AHNAK2: variants seen among roughly 807,000 people sequenced by gnomAD.
AHNAK2 encodes the protein protein AHNAK2.
In AHNAK2, 18 loss-of-function variants were observed where a neutral mutation model predicts 30.7. The ratio of observed to expected loss-of-function variants is 0.59; its 90% CI spans 0.41 to 0.87. The LOEUF is 0.87. Ranked by LOEUF, AHNAK2 falls within the 40% of genes least tolerant of loss-of-function variation. AHNAK2 has a pLI of 0.00. For missense variants in AHNAK2, 8,604 were observed against 7,373.0 expected, an observed-to-expected ratio of 1.17 and a Z score of -6.11; for synonymous variants, 3,590 against 3,073.8, an observed-to-expected ratio of 1.17 and a Z score of -5.56.
rs1897981968 is a variant in AHNAK2, at chr14:104,941,442, G to A, written c.14009C>T (p.Ser4670Phe). ...ATGAAGATCACCTTCATGAACAACA[G>A]ATTCCACAATGGGAAATGTGGAAGT... ...EKTSTFPIVE[S>F]VVHEGDLHDP... The change falls in exon 7 of 7, where the codon TCT becomes TTT. Residue 4670 changes from serine (S) to phenylalanine (F), a missense_variant. Physicochemically the swap from Ser to Phe is radical, Grantham distance 155. Transcript: ENST00000333244. The A allele has an allele frequency of 6.2e-7, 1 of 1,612,788 alleles. No homozygotes were observed. The highest frequency in any genetic ancestry group is 8.5e-7 in the Non-Finnish European group (1 of 1,179,450).
chr14:104,968,383 G>C (rs531023410), intron 1 of AHNAK2, among the ~76,000 whole-genome samples: 5 of 152,150 alleles, frequency 3.3e-5, no homozygotes, highest in African/African-American at 1.2e-4. Context: ...TCTGGGGGAC[G>C]AGCAGATCCT....
Position 104,952,231 on chromosome 14 carries a change from C to G in AHNAK2, c.3220G>C (p.Gly1074Arg). The G allele has an allele frequency of 1.9e-6, 3 of 1,612,558 alleles. No individual in the cohort carries two copies. Among genetic ancestry groups the G allele is most frequent in the Non-Finnish European group, 2.5e-6 (3 of 1,179,610 alleles). ...VKLPEGHLPE[G>R]AGLKGHLPKV... ...GGCAAGTGCCCTTTAAGGCCAGCTC[C>G]CTCGGGCAGGTGGCCCTCCGGGAGC... The change falls in exon 7 of 7, where the codon GGA (glycine) becomes CGA (arginine). Residue 1074 changes from glycine to arginine, a missense_variant. Transcript: ENST00000333244.
chr14:104,957,994 C>T (rs992983547), intron 1 of AHNAK2, among the ~76,000 whole-genome samples: 1 of 152,078 alleles, frequency 6.6e-6, no homozygotes, highest in Admixed American at 6.5e-5. Context: ...CCAGAGCTGC[C>T]AGAATATATT....
At chr14:104,965,765 C>T (rs1566925287) in intron 1 of AHNAK2, among the ~76,000 whole-genome samples, 1 of 152,220 alleles carries the variant, frequency 6.6e-6, no homozygotes, top group Admixed American at 6.5e-5. Flanking sequence ...GACTGTCCCA[C>T]GAAGACAGAT....
At position 104,946,722 on chromosome 14, in the gene AHNAK2, T is replaced by G. The variant is rs772346443; in HGVS notation, c.8729A>C (p.Asp2910Ala). The G allele has an allele frequency of 4.7e-5, 75 of 1,612,132 alleles. No homozygotes were observed. The African/African-American group carries it at 7.4e-4, about 16-fold the overall frequency. ...GACGTCTATCTGGGGGCCCTTGAGA[T>G]CCACTTTGGGCATCTTGAAACTGGG... ...QMPSFKMPKVDLKGPQIDVKG... is the reference protein window; with the variant it reads ...QMPSFKMPKVALKGPQIDVKG... The change falls in exon 7 of 7, where the codon GAT becomes GCT. Residue 2910 changes from aspartate (D) to alanine (A), a missense_variant. Asp to Ala is a moderately radical substitution (Grantham distance 126). Transcript: ENST00000333244.
intron 1 of AHNAK2, among the ~76,000 whole-genome samples, chr14:104,960,970 A>C (rs1204539960): frequency 6.6e-6 from 1 of 151,688 alleles, no homozygotes; most frequent in Non-Finnish European, 1.5e-5. Context: ...CTCTCTACTA[A>C]AAATACAAAC....
chr14:104,944,809 C>A lies in AHNAK2; in HGVS notation c.10642G>T (p.Glu3548Ter). The A allele has an allele frequency of 6.2e-7, 1 of 1,612,894 alleles. No individual in the cohort carries two copies. Among genetic ancestry groups the A allele is most frequent in the Non-Finnish European group, 8.5e-7 (1 of 1,179,582 alleles). Residue 3548 changes from glutamate to a stop codon, truncating the protein, a stop_gained, in exon 7 of 7, where the codon GAG (glutamate) becomes TAG (stop). Transcript: ENST00000333244. LOFTEE classifies it low-confidence loss of function (END_TRUNC). ...AGGTGCCCTTTGAGGCCGGCTCCCT[C>A]GGGCACGGGGCCCTCCAGGAGTTCC... ...DVELLEGPVP[E>*]GAGLKGHLPK...
Position 104,957,284 on chromosome 14 carries a change from G to GAGTGGGCACTGCCC in AHNAK2, c.213+112_213+125dup, listed in dbSNP as rs1180049901. 116 of 864,504 alleles carry GAGTGGGCACTGCCC rather than the reference G, an allele frequency of 1.3e-4. No homozygotes were observed. In the East Asian group the frequency reaches 3.1e-3, roughly 23 times the overall value. The allele number at this position is 864,504 out of a possible 1,614,324, so 53.6% of individuals were successfully genotyped here. A position where few individuals can be genotyped will look rare whatever the true frequency, so the allele number is the denominator to read the frequency against. On this transcript the variant is annotated intron_variant, in intron 3 of 6. Coordinates refer to ENST00000333244, the MANE Select transcript of AHNAK2 (RefSeq NM_138420.4). ...CACAGAGGAGTCTGAGAGGACATCT[G>GAGTGGGCACTGCCC]AGTGGGCACTGCCCAGTGGGCAGCG...
In AHNAK2 at chr14:104,942,338, C is replaced by T; in HGVS notation, c.13113G>A (p.Val4371=). Residue 4371 remains valine, a synonymous_variant, in exon 7 of 7, where the codon GTG becomes GTA. Coordinates refer to ENST00000333244, the MANE Select transcript of AHNAK2 (RefSeq NM_138420.4). ...GCCCTTTGAGGCCGGCTCCCTCATG[C>T]ACAGGGCCCTCTGGGAGTTTCACAT... ...QEDVKLPEGP[V]HEGAGLKGHL... 2.5e-6 allele frequency: 4 copies of T among 1,613,250 alleles called. No individual in the cohort carries two copies. The highest frequency in any genetic ancestry group is 3.4e-6 in the Non-Finnish European group (4 of 1,179,810).
chr14:104,945,532 T>G lies in AHNAK2; in HGVS notation c.9919A>C (p.Lys3307Gln). 1.9e-6 allele frequency: 3 copies of G among 1,612,370 alleles called. No homozygotes were observed. The highest frequency in any genetic ancestry group is 1.7e-4 in the Middle Eastern group (1 of 6,050). Reference sequence around the variant, plus strand: ...ATCTTGAATTTGGGCATTTTGAACTTGCTGTCTTTGGCAGTCACATCCTTG... The same window carrying G: ...ATCTTGAATTTGGGCATTTTGAACTGGCTGTCTTTGGCAGTCACATCCTTG... ...ADKDVTAKDSKFKMPKFKMPS... is the reference protein window; with the variant it reads ...ADKDVTAKDSQFKMPKFKMPS... Residue 3307 changes from lysine (K) to glutamine (Q), a missense_variant, in exon 7 of 7, where the codon AAG (lysine) becomes CAG (glutamine). Transcript: ENST00000333244.
At position 104,949,429 on chromosome 14, in the gene AHNAK2, C is replaced by T. The variant is rs200125045; in HGVS notation, c.6022G>A (p.Glu2008Lys). ...FGVSAPGRSI[E>K]ASVDVPAPKV... The stretch of plus-strand genomic sequence containing the variant: ...GGTGCAGGCACATCCACCGAGGCCT[C>T]GATGGACCTCCCTGGGGCCGATACC... Residue 2008 changes from glutamate to lysine, a missense_variant, in exon 7 of 7, where the codon GAG becomes AAG. Transcript: ENST00000333244. The T allele has an allele frequency of 3.3e-4, 525 of 1,587,286 alleles. 49 individuals carry two copies. In the South Asian group the frequency reaches 3.3e-3, roughly 10 times the overall value.
In AHNAK2 at chr14:104,942,023, C is replaced by T. The variant is rs370489909; in HGVS notation, c.13428G>A (p.Leu4476=). ...PKFKMPSFGM[L]SPGKSIEVSV... ...AGACCTCGATGGACTTGCCTGGGGA[C>T]AACATCCCAAAGGATGGCATCTTGA... The change falls in exon 7 of 7, where the codon TTG becomes TTA. Residue 4476 remains leucine (L), a synonymous_variant. Coordinates refer to ENST00000333244, the MANE Select transcript of AHNAK2 (RefSeq NM_138420.4). 4.1e-5 allele frequency: 66 copies of T among 1,611,274 alleles called. No individual in the cohort carries two copies. The highest frequency in any genetic ancestry group is 5.6e-5 in the Non-Finnish European group (66 of 1,178,926).
At position 104,949,348 on chromosome 14, in the gene AHNAK2, C is replaced by G. The variant is rs376387681; in HGVS notation, c.6103G>C (p.Asp2035His). The change falls in exon 7 of 7, where the codon GAC (aspartate) becomes CAC (histidine). Residue 2035 changes from aspartate (D) to histidine (H), a missense_variant. Transcript: ENST00000333244. ...PSMQGDLKTT[D>H]LSIQPPSADL... ...GCAGAAGGGGGCTGAATGCTGAGGT[C>G]AGTGGTCTTCAGGTCCCCCTGCATG... 4.0e-5 allele frequency: 62 copies of G among 1,562,566 alleles called. 4 individuals are homozygous for G. The African/African-American group carries it at 6.0e-4, about 15-fold the overall frequency.
chr14:104,973,318 G>A (rs1175676291), intron 1 of AHNAK2, among the ~76,000 whole-genome samples: 1 of 152,230 alleles, frequency 6.6e-6, no homozygotes, highest in Non-Finnish European at 1.5e-5. Flanking sequence ...AGGGAGGGCT[G>A]AGGGCAGCGG....
At position 104,945,465 on chromosome 14, in the gene AHNAK2, G is replaced by T; in HGVS notation, c.9986C>A (p.Ala3329Asp). Residue 3329 changes from alanine to aspartate, a missense_variant, in exon 7 of 7, where the codon GCC (alanine) becomes GAC (aspartate). Physicochemically the swap from Ala to Asp is moderately radical, Grantham distance 126. Coordinates refer to ENST00000333244, the MANE Select transcript of AHNAK2 (RefSeq NM_138420.4). The stretch of plus-strand genomic sequence containing the variant: ...CTTCGGCGCAGACACATCCACCGAG[G>T]CCTGGATGGACTTGCCTGGGGCAGA... The part of the protein sequence containing the change: ...RASAPGKSIQ[A>D]SVDVSAPKAE... 6.2e-7 allele frequency: 1 copy of T among 1,612,394 alleles called. No individual in the cohort carries two copies.
rs12323601 is a variant in AHNAK2, at chr14:104,941,037, G to A, written c.14414C>T (p.Ala4805Val). The A allele has an allele frequency of 2.0e-4, 323 of 1,613,560 alleles. 1 individual carries two copies. In the African/African-American group the frequency reaches 3.7e-3, roughly 18 times the overall value. Residue 4805 changes from alanine to valine, a missense_variant, in exon 7 of 7, where the codon GCC (alanine) becomes GTC (valine). Transcript: ENST00000333244. ...YQVTVPRAAL[A>V]PELALEIPSG... ...AGGAATTTCCAGAGCAAGCTCAGGG[G>A]CCAAGGCAGCTCTGGGAACAGTCAC... is the stretch of plus-strand genomic sequence containing the variant.
In AHNAK2 at chr14:104,939,585, C is replaced by G. The variant is rs1042705356; in HGVS notation, c.15866G>C (p.Gly5289Ala). 2 of 1,613,676 alleles carry G rather than the reference C, an allele frequency of 1.2e-6. No individual in the cohort carries two copies. The highest frequency in any genetic ancestry group is 1.7e-6 in the Non-Finnish European group (2 of 1,179,866). Reference sequence around the variant, plus strand: ...GACCTCAGAAGTGGAAAGCTCATCCCCAGTCATCCCAGCAGTGGAGAGGTG... The same window carrying G: ...GACCTCAGAAGTGGAAAGCTCATCCGCAGTCATCCCAGCAGTGGAGAGGTG... Reference protein sequence around the residue: ...KLHLSTAGMTGDELSTSEVRI... With the variant: ...KLHLSTAGMTADELSTSEVRI... Residue 5289 changes from glycine (G) to alanine (A), a missense_variant, in exon 7 of 7, where the codon GGG becomes GCG. Gly to Ala is a moderately conservative substitution (Grantham distance 60, BLOSUM62 0). Transcript: ENST00000333244.
chr14:104,959,421 C>T (rs990451313), intron 1 of AHNAK2, among the ~76,000 whole-genome samples: 10 of 152,236 alleles, frequency 6.6e-5, no homozygotes, highest in Non-Finnish European at 1.3e-4. Flanking sequence ...CCGCCTGCCT[C>T]AGCCTCCCAA....
At chr14:104,955,330 C>G in intron 5 of AHNAK2, 153 bp downstream of exon 5, 3 of 1,303,870 alleles carry the variant, frequency 2.3e-6, no homozygotes, top group Non-Finnish European at 2.1e-6. Context: ...TTACTAGATG[C>G]AGTGGGTGAT....
Sources: allele counts gnomAD v4.1 joint callset (sites outside exome capture counted in the v4.1 genomes callset), GRCh38; gene constraint gnomAD v4.1.1; transcripts MANE v1.5; gene names NCBI Gene and HGNC (gene_info 2026-07-23, HGNC 2026-07-21).